GRIN2B: variants seen among roughly 807,000 people sequenced by gnomAD.
GRIN2B encodes glutamate receptor ionotropic, NMDA 2B.
In GRIN2B, 5 loss-of-function variants were observed where a neutral mutation model predicts 114.5. That is an observed-to-expected ratio of 0.04 (90% CI 0.02 to 0.09). GRIN2B has a LOEUF of 0.09. Among genes scored for constraint, GRIN2B ranks in the 10% least tolerant of loss-of-function variants. The probability of loss-of-function intolerance (pLI) is 1.00; values close to 1 mark genes in which losing one functional copy is unlikely to be tolerated. For synonymous variants in GRIN2B, 787 were observed against 745.1 expected (o/e 1.06, Z -0.92); for missense variants, 1,108 against 1,943.5 (o/e 0.57, Z 8.08).
chr12:13,885,491 C>G (rs1300578932), intron 2 of GRIN2B, among the ~76,000 whole-genome samples: 1 of 152,126 alleles, frequency 6.6e-6, no homozygotes, highest in Non-Finnish European at 1.5e-5. Context: ...AAAGATTTCA[C>G]TCTTTCATCT....
At chr12:13,633,551 T>C (rs1949636052) in intron 5 of GRIN2B, among the ~76,000 whole-genome samples, 1 of 152,178 alleles carries the variant, frequency 6.6e-6, no homozygotes, top group Admixed American at 6.5e-5. Context: ...ACAACAAAGA[T>C]TTTAATATTT....
chr12:13,643,308 T>C (rs1949737054), intron 5 of GRIN2B, among the ~76,000 whole-genome samples: 1 of 152,174 alleles, frequency 6.6e-6, no homozygotes, highest in Admixed American at 6.6e-5. Flanking sequence ...AATTTTTGTT[T>C]CCAAGTGCAT....
chr12:13,680,829 T>C (rs1477446141), intron 4 of GRIN2B, among the ~76,000 whole-genome samples: 1 of 152,060 alleles, frequency 6.6e-6, no homozygotes, highest in East Asian at 1.9e-4. Flanking sequence ...CTGGACTATA[T>C]AGATCCCTAA....
chr12:13,724,306 A>C (rs1210770373), intron 4 of GRIN2B, among the ~76,000 whole-genome samples: 2 of 152,170 alleles, frequency 1.3e-5, no homozygotes, highest in Non-Finnish European at 2.9e-5. Context: ...AAGGAATTGC[A>C]ATGGAAAGGC....
intron 5 of GRIN2B, among the ~76,000 whole-genome samples, chr12:13,659,576 T>C (rs1175622090): frequency 6.6e-6 from 1 of 152,172 alleles, no homozygotes; most frequent in Admixed American, 6.5e-5. Context: ...GCTCAATCTT[T>C]ACTTAAAGAT....
rs574696545 is a variant in GRIN2B at position 13,582,874 on chromosome 12, A to AACGATGG, written c.2011-10917_2011-10911dup. Among the ~76,000 whole-genome samples the AACGATGG allele has an allele frequency of 5.9e-5, 9 of 152,294 alleles. No homozygotes were observed. The South Asian group carries it at 1.9e-3, about 32-fold the overall frequency. ...TTAGTTAATTACCAGTTTTCCTCGC[A>AACGATGG]ACGATGGTTTTAATGCAATAAGGCA... On this transcript the variant is annotated intron_variant, in intron 10 of 13. Transcript: ENST00000609686.
chr12:13,723,130 AC>A (rs1342010671), intron 4 of GRIN2B, among the ~76,000 whole-genome samples: 1 of 123,744 alleles, frequency 8.1e-6, no homozygotes, highest in East Asian at 4.8e-4. Context: ...AAATGCTTAC[AC>A]CTTTTTTTTT....
chr12:13,597,145 T>TGATC (rs546960350), intron 10 of GRIN2B, among the ~76,000 whole-genome samples: 48 of 152,230 alleles, frequency 3.2e-4, no homozygotes, highest in African/African-American at 1.2e-3. Flanking sequence ...TTAATAATGG[T>TGATC]GATCTCAAAG....
chr12:13,942,349 C>A (rs1329051231), intron 2 of GRIN2B, among the ~76,000 whole-genome samples: 2 of 151,776 alleles, frequency 1.3e-5, no homozygotes, highest in Non-Finnish European at 2.9e-5. Flanking sequence ...CTCCTACAAT[C>A]TTCATCCCAC....
intron 9 of GRIN2B, among the ~76,000 whole-genome samples, chr12:13,610,869 G>A (rs1405911830): frequency 6.6e-6 from 1 of 152,162 alleles, no homozygotes; most frequent in African/African-American, 2.4e-5. Flanking sequence ...TCTTTTAGAT[G>A]CCCCATAGAT....
chr12:13,864,199 CT>C lies in GRIN2B; in HGVS notation c.411+1598del, dbSNP rs1196499010. Among the ~76,000 whole-genome samples the C allele has an allele frequency of 2.6e-5, 4 of 152,332 alleles. No individual in the cohort carries two copies. In the South Asian group the frequency reaches 8.3e-4, roughly 32 times the overall value. On this transcript the variant is annotated intron_variant, in intron 3 of 13. Coordinates refer to ENST00000609686, the MANE Select transcript of GRIN2B (RefSeq NM_000834.5). ...GATACTGGAATGTCTTCACTTAACA[CT>C]TTTAACTTGACCTTTCCTAGACTGA...
At chr12:13,944,924 T>C (rs769050702) in intron 2 of GRIN2B, among the ~76,000 whole-genome samples, 4 of 152,210 alleles carry the variant, frequency 2.6e-5, no homozygotes, top group Non-Finnish European at 5.9e-5. Flanking sequence ...TCTATTTTCT[T>C]ACATGCTTAC....
intron 3 of GRIN2B, among the ~76,000 whole-genome samples, chr12:13,768,616 C>T (rs1056169999): frequency 6.6e-6 from 1 of 152,216 alleles, no homozygotes; most frequent in African/African-American, 2.4e-5. Flanking sequence ...TAGTTCCTCT[C>T]GGCTTTCCAA....
chr12:13,850,392 G>A (rs867930843), intron 3 of GRIN2B, among the ~76,000 whole-genome samples: 1 of 152,134 alleles, frequency 6.6e-6, no homozygotes, highest in Admixed American at 6.5e-5. Context: ...AAATCCTGGG[G>A]CATCCAGTTG....
At chr12:13,761,326 C>T (rs539633967) in intron 3 of GRIN2B, among the ~76,000 whole-genome samples, 6 of 152,250 alleles carry the variant, frequency 3.9e-5, no homozygotes, top group Admixed American at 1.3e-4. Flanking sequence ...GTGCTTTAAT[C>T]GCCAAATTTA....
intron 3 of GRIN2B, among the ~76,000 whole-genome samples, chr12:13,846,855 G>T (rs536347487): frequency 6.6e-6 from 1 of 152,048 alleles, no homozygotes; most frequent in South Asian, 2.1e-4. Context: ...AGAAAGGAGG[G>T]GAGGATTCCT....
intron 5 of GRIN2B, among the ~76,000 whole-genome samples, chr12:13,647,835 G>T (rs1029848175): frequency 6.6e-6 from 1 of 152,064 alleles, no homozygotes; most frequent in Non-Finnish European, 1.5e-5. Flanking sequence ...AGAAGCCTAG[G>T]GCCTATGAAT....
intron 2 of GRIN2B, among the ~76,000 whole-genome samples, chr12:13,890,582 T>C (rs927954492): frequency 6.6e-6 from 1 of 152,138 alleles, no homozygotes; most frequent in Non-Finnish European, 1.5e-5. Flanking sequence ...GAGTAGCATT[T>C]CCATAGCTCA....
rs1948245357 is a variant in GRIN2B at position 13,538,990 on chromosome 12, A to T, written c.*23793T>A. Reference sequence around the variant, plus strand: ...AAAGCAGTTCTGTTGTCCAAAAAAAATTTGGGGTTTAAGGAAGTATCTCCA... The same window carrying T: ...AAAGCAGTTCTGTTGTCCAAAAAAATTTTGGGGTTTAAGGAAGTATCTCCA... On this transcript the variant is annotated 3_prime_UTR_variant, in exon 14 of 14. Coordinates refer to ENST00000609686, the MANE Select transcript of GRIN2B (RefSeq NM_000834.5). The T allele has an allele frequency of 6.6e-6, 1 of 152,160 alleles. No homozygotes were observed. The allele number at this position is 152,160 out of a possible 1,614,324, so 9.4% of individuals were successfully genotyped here.
Sources: gnomAD v4.1 joint callset for allele counts (sites outside exome capture counted in the v4.1 genomes callset) on GRCh38, gnomAD v4.1.1 for gene constraint, MANE v1.5 for transcripts, NCBI Gene and HGNC (gene_info 2026-07-23, HGNC 2026-07-21) for gene names.